The following LRP1B variants were observed in gnomAD, a reference collection of about 807,000 sequenced individuals.
LRP1B encodes LDL receptor related protein 1B, also known as low-density lipoprotein receptor-related protein 1B.
LRP1B carries 217 observed loss-of-function variants against 556.6 expected under a neutral mutation model. That is an observed-to-expected ratio of 0.39 (90% confidence interval 0.35 to 0.44). LRP1B has a LOEUF of 0.44. Ranked by LOEUF, LRP1B falls within the 20% of genes least tolerant of loss-of-function variation. The pLI is 1.00. For missense variants in LRP1B, 5,053 were observed against 5,620.8 expected, an observed-to-expected ratio of 0.90 and a Z score of 3.23; for synonymous variants, 2,047 against 1,865.8, an observed-to-expected ratio of 1.10 and a Z score of -2.50.
chr2:141,087,226 T>C (rs1396928490), intron 7 of LRP1B, among the ~76,000 whole-genome samples: 1 of 152,150 alleles, frequency 6.6e-6, no homozygotes, highest in East Asian at 1.9e-4. Context: ...TGTACTAGGA[T>C]GATGTTCATT....
intron 6 of LRP1B, among the ~76,000 whole-genome samples, chr2:141,210,696 A>G (rs901654243): frequency 3.9e-5 from 6 of 152,216 alleles, no homozygotes; most frequent in Non-Finnish European, 5.9e-5. Context: ...GATTCCAGAC[A>G]GAAAATACTA....
chr2:140,513,128 G>A (rs1198390679), intron 51 of LRP1B, among the ~76,000 whole-genome samples: 2 of 152,084 alleles, frequency 1.3e-5, no homozygotes, highest in Non-Finnish European at 1.5e-5. Context: ...CATTGGTTAT[G>A]TTGGATGATC....
chr2:140,234,877 T>C lies in LRP1B; in HGVS notation c.13568A>G (p.Tyr4523Cys), dbSNP rs746843585. The C allele has an allele frequency of 6.5e-6, 5 of 774,480 alleles. No individual in the cohort carries two copies. Among genetic ancestry groups the C allele is most frequent in the Admixed American group, 1.7e-5 (1 of 58,390 alleles). The allele number at this position is 774,480 out of a possible 1,614,324, so 48.0% of individuals were successfully genotyped here. A position where few individuals can be genotyped will look rare whatever the true frequency, so the allele number is the denominator to read the frequency against. The change falls in exon 90 of 91, where the codon TAC becomes TGC. Residue 4523 changes from tyrosine to cysteine, a missense_variant. Tyr to Cys is a radical substitution (Grantham distance 194). Coordinates refer to ENST00000389484, the MANE Select transcript of LRP1B (RefSeq NM_018557.3). ...GFMIDPTKAR[Y>C]IGGGPSAFKL... ...GAAAGCACTGGGTCCTCCCCCTATGTACCTGGCCTGTATATAAACAGAAAA... is the reference window on the plus strand; with the variant it reads ...GAAAGCACTGGGTCCTCCCCCTATGCACCTGGCCTGTATATAAACAGAAAA...
chr2:140,350,656 T>C, intron 77 of LRP1B, 141 bp downstream of exon 77: 1 of 693,706 alleles, frequency 1.4e-6, no homozygotes, highest in Non-Finnish European at 2.2e-6. Flanking sequence ...GAGAAATGCA[T>C]TATTTCTATT....
At position 141,103,611 on chromosome 2, in the gene LRP1B, C is replaced by T. The variant is rs563628136; in HGVS notation, c.1014-41338G>A. On this transcript the variant is annotated intron_variant, in intron 7 of 90. Transcript: ENST00000389484. ...GAAATGTGCACCTATTTACCAGTAG[C>T]TATGTTTTCTTTGCCAATAGACAAC... Among the ~76,000 whole-genome samples, 8 of 149,320 alleles carry T rather than the reference C, an allele frequency of 5.4e-5. No homozygotes were observed. The South Asian group carries it at 1.7e-3, about 31-fold the overall frequency.
intron 41 of LRP1B, among the ~76,000 whole-genome samples, chr2:140,614,437 T>C (rs1683188013): frequency 6.6e-6 from 1 of 152,130 alleles, no homozygotes; most frequent in Admixed American, 6.6e-5. Context: ...CTGTTTATTA[T>C]GGTTGAATAA....
intron 6 of LRP1B, among the ~76,000 whole-genome samples, chr2:141,211,177 G>A (rs577280389): frequency 3.8e-4 from 57 of 151,736 alleles, no homozygotes; most frequent in African/African-American, 1.3e-3. Flanking sequence ...TAGTAGAGAC[G>A]GGGTTTCACC....
chr2:141,524,049 T>C (rs1420092982), intron 2 of LRP1B, among the ~76,000 whole-genome samples: 1 of 152,138 alleles, frequency 6.6e-6, no homozygotes, highest in Non-Finnish European at 1.5e-5. Flanking sequence ...GTATTTTAAA[T>C]GTGATCTCTG....
chr2:141,280,072 A>G (rs1352988988), intron 3 of LRP1B, among the ~76,000 whole-genome samples: 4 of 152,108 alleles, frequency 2.6e-5, no homozygotes, highest in East Asian at 1.9e-4. Context: ...GAAAACCATA[A>G]TTATGGTCAA....
At chr2:142,063,388 A>C (rs1704990860) in intron 1 of LRP1B, among the ~76,000 whole-genome samples, 4 of 151,590 alleles carry the variant, frequency 2.6e-5, no homozygotes, top group Non-Finnish European at 4.4e-5. Context: ...TACTCTTAGA[A>C]AGTTAAATTC....
intron 1 of LRP1B, among the ~76,000 whole-genome samples, chr2:142,096,797 A>G (rs1706386390): frequency 6.6e-6 from 1 of 151,518 alleles, no homozygotes; most frequent in Non-Finnish European, 1.5e-5. Flanking sequence ...ATAATGATGA[A>G]GTTTGGGGTA....
chr2:141,790,688 T>C (rs1197799950), intron 2 of LRP1B, among the ~76,000 whole-genome samples: 2 of 151,992 alleles, frequency 1.3e-5, no homozygotes, highest in Non-Finnish European at 2.9e-5. Context: ...TTACAAACTA[T>C]GGTAATGAGT....
chr2:141,924,325 C>G (rs903497488), intron 1 of LRP1B, among the ~76,000 whole-genome samples: 1 of 152,018 alleles, frequency 6.6e-6, no homozygotes, highest in African/African-American at 2.4e-5. Context: ...AGGGGAAGAT[C>G]ATCTTCCCAC....
At chr2:140,353,136 G>A (rs909765038) in intron 75 of LRP1B, 64 bp from the exon 76 acceptor site, 14 of 1,556,330 alleles carry the variant, frequency 9.0e-6, no homozygotes, top group East Asian at 4.7e-5. Flanking sequence ...TTCTTACCAC[G>A]TTTCAAAAAA....
intron 41 of LRP1B, among the ~76,000 whole-genome samples, chr2:140,625,538 A>G (rs1391522290): frequency 2.0e-5 from 3 of 152,236 alleles, no homozygotes; most frequent in Non-Finnish European, 4.4e-5. Context: ...CAACAAGAGA[A>G]AAATGAACAC....
chr2:141,841,689 G>A (rs1574417455), intron 1 of LRP1B, among the ~76,000 whole-genome samples: 2 of 152,284 alleles, frequency 1.3e-5, no homozygotes, highest in South Asian at 4.1e-4. Context: ...TCAGCCTTCA[G>A]TGTAAGCCAG....
chr2:140,911,691 C>T (rs61626029), intron 21 of LRP1B, among the ~76,000 whole-genome samples: 32,665 of 151,572 alleles, frequency 0.22, 3,985 homozygotes, highest in East Asian at 0.42. Context: ...TATACTTAAG[C>T]ATTAAATTGT....
intron 22 of LRP1B, among the ~76,000 whole-genome samples, chr2:140,905,174 G>A (rs1214526319): frequency 6.6e-6 from 1 of 152,000 alleles, no homozygotes; most frequent in Non-Finnish European, 1.5e-5. Flanking sequence ...AATAAAAACT[G>A]CAGACTCTCA....
chr2:140,490,886 T>C (rs375187082), intron 57 of LRP1B, among the ~76,000 whole-genome samples: 1 of 152,140 alleles, frequency 6.6e-6, no homozygotes, highest in Non-Finnish European at 1.5e-5. Flanking sequence ...ATCCTCACTG[T>C]TTCTTCATTC....
Sources: gnomAD v4.1 joint callset for allele counts (sites outside exome capture counted in the v4.1 genomes callset) on GRCh38, gnomAD v4.1.1 for gene constraint, MANE v1.5 for transcripts, NCBI Gene and HGNC (gene_info 2026-07-23, HGNC 2026-07-21) for gene names.